The following SGCD variants were observed in gnomAD, a reference collection of about 807,000 sequenced individuals.
The protein encoded by SGCD is sarcoglycan delta.
Under a neutral mutation model 36.6 loss-of-function variants are expected in SGCD, and 18 were observed. The ratio of observed to expected loss-of-function variants is 0.49; its 90% CI spans 0.34 to 0.73. The LOEUF (loss-of-function observed/expected upper bound fraction) is 0.73. SGCD is among the 30% of genes least tolerant of loss of function. The probability of loss-of-function intolerance (pLI) is 0.01; values close to 1 mark genes in which losing one functional copy is unlikely to be tolerated. For missense variants in SGCD, 387 were observed against 346.7 expected, an observed-to-expected ratio of 1.12 and a Z score of -0.92; for synonymous variants, 133 against 130.6, an observed-to-expected ratio of 1.02 and a Z score of -0.12.
intron 1 of SGCD, among the ~76,000 whole-genome samples, chr5:155,942,404 C>T (rs1014588789): frequency 2.6e-5 from 4 of 151,462 alleles, no homozygotes; most frequent in Non-Finnish European, 5.9e-5. Context: ...TGGGCTAAAA[C>T]CCTCAATCTT....
At chr5:156,146,567 A>C (rs1030433881) in intron 3 of SGCD, among the ~76,000 whole-genome samples, 1 of 152,244 alleles carries the variant, frequency 6.6e-6, no homozygotes, top group African/African-American at 2.4e-5. Flanking sequence ...TTAACATTAC[A>C]ACTCTAACTT....
chr5:156,601,108 T>C (rs1474182587), intron 6 of SGCD, among the ~76,000 whole-genome samples: 2 of 152,202 alleles, frequency 1.3e-5, no homozygotes, highest in African/African-American at 4.8e-5. Flanking sequence ...GTCTCTTCTT[T>C]CTCTTGTTTC....
chr5:155,795,264 T>C, the SGCD span, among the ~76,000 whole-genome samples: 19 of 152,216 alleles, frequency 1.2e-4, no homozygotes, highest in Non-Finnish European at 2.2e-4. Flanking sequence ...AAATATTGAC[T>C]GTACAAAGCA....
At chr5:155,953,653 A>C (rs1246993714) in intron 1 of SGCD, among the ~76,000 whole-genome samples, 2 of 152,216 alleles carry the variant, frequency 1.3e-5, no homozygotes, top group Admixed American at 6.5e-5. Flanking sequence ...GTGAGAATTC[A>C]GTGAGCTGAT....
chr5:156,520,668 T>C (rs1267418262), intron 4 of SGCD, among the ~76,000 whole-genome samples: 1 of 152,152 alleles, frequency 6.6e-6, no homozygotes, highest in South Asian at 2.1e-4. Flanking sequence ...AAAACAGCAT[T>C]GTACTGGTTC....
chr5:156,461,894 A>G (rs1362037321), intron 3 of SGCD, among the ~76,000 whole-genome samples: 1 of 152,160 alleles, frequency 6.6e-6, no homozygotes, highest in East Asian at 1.9e-4. Flanking sequence ...TGTATATTAA[A>G]TCAAAAAAGT....
chr5:156,533,565 A>G (rs1272795959), intron 4 of SGCD, among the ~76,000 whole-genome samples: 1 of 152,228 alleles, frequency 6.6e-6, no homozygotes, highest in Non-Finnish European at 1.5e-5. Flanking sequence ...AAAAACTTAC[A>G]CAAATTCTAA....
intron 1 of SGCD, among the ~76,000 whole-genome samples, chr5:155,889,035 T>C (rs1368154340): frequency 6.6e-6 from 1 of 152,198 alleles, no homozygotes; most frequent in Non-Finnish European, 1.5e-5. Flanking sequence ...AACACTGTAT[T>C]TATATATTTG....
intron 7 of SGCD, among the ~76,000 whole-genome samples, chr5:156,749,216 A>G (rs1395265114): frequency 6.6e-6 from 1 of 152,200 alleles, no homozygotes. Flanking sequence ...ACGCCCTTCT[A>G]TAAACCTCAT....
the SGCD span, among the ~76,000 whole-genome samples, chr5:155,777,448 C>T: frequency 2.6e-5 from 4 of 151,620 alleles, no homozygotes; most frequent in Non-Finnish European, 4.4e-5. Context: ...CTTCTACCTC[C>T]TGGGCTCAAG....
chr5:156,496,891 ATGTT>A (rs1327382459), intron 3 of SGCD, among the ~76,000 whole-genome samples: 1 of 152,140 alleles, frequency 6.6e-6, no homozygotes, highest in African/African-American at 2.4e-5. Flanking sequence ...TGAAAAATAA[ATGTT>A]TGTTCTTCAA....
At chr5:156,036,064 T>G (rs1759489525) in intron 1 of SGCD, among the ~76,000 whole-genome samples, 1 of 152,202 alleles carries the variant, frequency 6.6e-6, no homozygotes, top group Non-Finnish European at 1.5e-5. Flanking sequence ...TGAGGTTTCA[T>G]GATCTCAGAT....
intron 4 of SGCD, among the ~76,000 whole-genome samples, chr5:156,544,423 T>G (rs1291477545): frequency 6.6e-6 from 1 of 152,156 alleles, no homozygotes; most frequent in East Asian, 1.9e-4. Context: ...ATGTGTAACT[T>G]TGCCAAATTA....
intron 1 of SGCD, among the ~76,000 whole-genome samples, chr5:156,007,608 A>G (rs1053833885): frequency 7.9e-5 from 12 of 152,222 alleles, no homozygotes; most frequent in Admixed American, 4.6e-4. Flanking sequence ...GAGGAGCTCA[A>G]TCATTATCAG....
At chr5:156,339,586 A>G (rs1768537148) in intron 2 of SGCD, among the ~76,000 whole-genome samples, 1 of 152,222 alleles carries the variant, frequency 6.6e-6, no homozygotes, top group African/African-American at 2.4e-5. Context: ...CCATTAAAAC[A>G]AACATGACAA....
chr5:156,400,610 T>C lies in SGCD; in HGVS notation c.192+55933T>C, dbSNP rs918159531. Among the ~76,000 whole-genome samples the C allele has an allele frequency of 2.0e-5, 3 of 152,244 alleles. No individual in the cohort carries two copies. In the East Asian group the frequency reaches 5.8e-4, roughly 29 times the overall value. On this transcript the variant is annotated intron_variant, in intron 3 of 8. Transcript: ENST00000337851. ...GTAAAATGAATTTGAACACAACTTA[T>C]ATTGCCTGGAAAAGAACAGTTTATG...
intron 1 of SGCD, among the ~76,000 whole-genome samples, chr5:156,009,763 T>TAATC (rs1330585897): frequency 6.6e-6 from 1 of 152,210 alleles, no homozygotes. Flanking sequence ...TGAATTAGTC[T>TAATC]AATCTGTCCT....
chr5:155,928,666 C>CAAAA (rs58548934), intron 1 of SGCD, among the ~76,000 whole-genome samples: 20 of 68,190 alleles, frequency 2.9e-4, no homozygotes, highest in East Asian at 4.6e-4. Flanking sequence ...GACTCTGTCT[C>CAAAA]AAAAAAAAAA....
intron 3 of SGCD, among the ~76,000 whole-genome samples, chr5:156,464,455 C>T (rs1289499789): frequency 6.6e-6 from 1 of 152,034 alleles, no homozygotes; most frequent in East Asian, 1.9e-4. Context: ...CTCTGGACCT[C>T]GTGATCCACC....
Sources: allele counts gnomAD v4.1 joint callset (sites outside exome capture counted in the v4.1 genomes callset), GRCh38; gene constraint gnomAD v4.1.1; transcripts MANE v1.5; gene names NCBI Gene and HGNC (gene_info 2026-07-23, HGNC 2026-07-21).